The following ANKRD13A variants were observed in gnomAD, a reference collection of about 807,000 sequenced individuals.
The protein encoded by ANKRD13A is ankyrin repeat domain 13A, also known as ankyrin repeat domain-containing protein 13A.
ANKRD13A carries 48 observed loss-of-function variants against 81.3 expected under a neutral mutation model. The ratio of observed to expected loss-of-function variants is 0.59; its 90% confidence interval spans 0.47 to 0.75. The LOEUF is 0.75. ANKRD13A is among the 30% of genes least tolerant of loss of function. The pLI is 0.00. For missense variants in ANKRD13A, 612 were observed against 734.0 expected (o/e 0.83, Z 1.92); for synonymous variants, 230 against 270.1 (o/e 0.85, Z 1.45).
intron 10 of ANKRD13A, 104 bp downstream of exon 10, chr12:110,028,746 A>T: frequency 2.1e-6 from 3 of 1,456,492 alleles, no homozygotes; most frequent in Admixed American, 2.0e-5. Context: ...CACCACCCTT[A>T]TTTTTTTTTC....
At chr12:110,030,616 C>CT (rs1402649917) in intron 11 of ANKRD13A, 29 bp from the exon 12 acceptor site, 18 of 1,374,256 alleles carry the variant, frequency 1.3e-5, no homozygotes, top group Non-Finnish European at 1.7e-5. Context: ...GTAAAGTTTA[C>CT]TTATAAAAGT....
chr12:110,013,899 A>G lies in ANKRD13A; in HGVS notation c.354+650A>G, dbSNP rs573540066. On this transcript the variant is annotated intron_variant, in intron 3 of 14. Coordinates refer to ENST00000261739, the MANE Select transcript of ANKRD13A (RefSeq NM_033121.2). ...TTTAGGTGCCTGTTTTCTTGAAAGT[A>G]GCCTCCTGAGCATCTGTAATCTTAG... Among the ~76,000 whole-genome samples, 4 of 152,142 alleles carry G rather than the reference A, an allele frequency of 2.6e-5. 1 individual carries two copies. In the South Asian group the frequency reaches 8.3e-4, roughly 31 times the overall value.
chr12:110,021,346 TGTGA>T (rs969470905), intron 6 of ANKRD13A: 28 of 211,652 alleles, frequency 1.3e-4, no homozygotes, highest in African/African-American at 6.2e-4. Flanking sequence ...TGATCAGAGG[TGTGA>T]GTATTCATTT....
intron 12 of ANKRD13A, among the ~76,000 whole-genome samples, chr12:110,031,314 C>T (rs1333465219): frequency 6.7e-6 from 1 of 150,326 alleles, no homozygotes; most frequent in African/African-American, 2.4e-5. Context: ...GTGTAATGTA[C>T]ATACAATAAA....
At position 110,037,933 on chromosome 12, in the gene ANKRD13A, G is replaced by A. The variant is rs1892165692; in HGVS notation, c.*379G>A. ...AGACAAGTTATTGCAGAGTCAGGGT[G>A]CTTTTATATATAAGAGCAGCAGCCG... is the stretch of plus-strand genomic sequence containing the variant. On this transcript the variant is annotated 3_prime_UTR_variant, in exon 15 of 15. Transcript: ENST00000261739. The A allele has an allele frequency of 6.1e-6, 1 of 164,870 alleles. No homozygotes were observed. 10.2% of individuals were successfully genotyped at this position (164,870 alleles called of 1,614,324 possible). A position where few individuals can be genotyped will look rare whatever the true frequency, so the allele number is the denominator to read the frequency against.
chr12:110,024,477 A>G (rs1447141876), intron 7 of ANKRD13A, among the ~76,000 whole-genome samples: 1 of 152,108 alleles, frequency 6.6e-6, no homozygotes, highest in Non-Finnish European at 1.5e-5. Context: ...GTAGCTTTTG[A>G]GTCTCTTTTT....
intron 1 of ANKRD13A, among the ~76,000 whole-genome samples, chr12:110,005,403 T>C (rs1247791511): frequency 6.6e-6 from 1 of 152,184 alleles, no homozygotes; most frequent in African/African-American, 2.4e-5. Context: ...AGTGCTAAGA[T>C]TACAGGTGTT....
chr12:110,013,026 C>T lies in ANKRD13A; in HGVS notation c.230-99C>T, dbSNP rs535681084. 16 of 1,355,650 alleles carry T rather than the reference C, an allele frequency of 1.2e-5. No individual in the cohort carries two copies. The African/African-American group carries it at 2.2e-4, about 18-fold the overall frequency. The allele number at this position is 1,355,650 out of a possible 1,614,324, so 84.0% of individuals were successfully genotyped here. ...AAGGTTGGACTGCAGCCCTTTTCTTCTGAAGAAAATACTGGTCTTTGATCT... is the reference window on the plus strand; with the variant it reads ...AAGGTTGGACTGCAGCCCTTTTCTTTTGAAGAAAATACTGGTCTTTGATCT... On this transcript the variant is annotated intron_variant, in intron 2 of 14. Transcript: ENST00000261739.
At chr12:110,016,597 A>G (rs1890816289) in intron 4 of ANKRD13A, among the ~76,000 whole-genome samples, 164 bp downstream of exon 4, 1 of 152,104 alleles carries the variant, frequency 6.6e-6, no homozygotes, top group South Asian at 2.1e-4. Context: ...GTTAAACACA[A>G]CTGTTAATGC....
Position 110,036,261 on chromosome 12 carries a change from G to C in ANKRD13A, c.1510G>C (p.Glu504Gln), listed in dbSNP as rs1373464285. ...QSLLESSRSQ[E>Q]LSGPASNGGI... ...TGTCTATCACATTTGTCTTTGCCAG[G>C]AACTTTCAGGACCAGCTTCGAATGG... The change falls in exon 14 of 15, where the codon GAA becomes CAA. Residue 504 changes from glutamate to glutamine, a missense_variant and splice_region_variant. Physicochemically the swap from Glu to Gln is conservative, Grantham distance 29 (BLOSUM62 2). Transcript: ENST00000261739. This position sits in a 1 kb window ranked among gnomAD's most constrained non-coding sequence, Gnocchi z 4.6. 1.2e-6 allele frequency: 2 copies of C among 1,613,796 alleles called. No individual in the cohort carries two copies. Among genetic ancestry groups the C allele is most frequent in the Non-Finnish European group, 1.7e-6 (2 of 1,179,832 alleles).
intron 10 of ANKRD13A, 38 bp downstream of exon 10, chr12:110,028,680 GT>G: frequency 6.2e-7 from 1 of 1,612,958 alleles, no homozygotes; most frequent in Non-Finnish European, 8.5e-7. Flanking sequence ...ACCTATGTAT[GT>G]TTCAGAAATT....
In ANKRD13A at chr12:110,016,388, G is replaced by A. The variant is rs1231965110; in HGVS notation, c.355G>A (p.Ala119Thr). The change falls in exon 4 of 15, where the codon GCT (alanine) becomes ACT (threonine). Residue 119 changes from alanine (A) to threonine (T), a missense_variant and splice_region_variant. Coordinates refer to ENST00000261739, the MANE Select transcript of ANKRD13A (RefSeq NM_033121.2). ...VPELLQKILEAPDFYVQMKWE... is the reference protein window; with the variant it reads ...VPELLQKILETPDFYVQMKWE... The stretch of plus-strand genomic sequence containing the variant: ...TTTTAAACCTTTGTCTGCCCTTCAG[G>A]CTCCGGATTTCTATGTGCAGATGAA... 1 of 1,584,156 alleles carries A rather than the reference G, an allele frequency of 6.3e-7. No homozygotes were observed. The highest frequency in any genetic ancestry group is 8.6e-7 in the Non-Finnish European group (1 of 1,159,830).
intron 1 of ANKRD13A, among the ~76,000 whole-genome samples, chr12:110,011,222 A>G (rs1264121594): frequency 1.3e-5 from 2 of 152,190 alleles, no homozygotes; most frequent in Non-Finnish European, 2.9e-5. Context: ...GACTTAGCTC[A>G]CACTAGAGAA....
chr12:110,011,629 T>C (rs1459777676), intron 1 of ANKRD13A, among the ~76,000 whole-genome samples: 1 of 152,246 alleles, frequency 6.6e-6, no homozygotes, highest in Non-Finnish European at 1.5e-5. Flanking sequence ...AATGCTGATA[T>C]GTGCTTGAGA....
In ANKRD13A at chr12:110,037,388, C is replaced by T; in HGVS notation, c.1607C>T (p.Thr536Ile). The change falls in exon 15 of 15, where the codon ACA becomes ATA. Residue 536 changes from threonine to isoleucine, a missense_variant. Transcript: ENST00000261739. ...RAIQESLLTS[T>I]EGLCPSALSE... ...ATCCAGGAGAGCCTCCTCACCAGCA[C>T]AGAAGGCCTGTGCCCCAGCGCCCTG... is the stretch of plus-strand genomic sequence containing the variant. The T allele has an allele frequency of 6.2e-7, 1 of 1,614,226 alleles. No individual in the cohort carries two copies. Among genetic ancestry groups the T allele is most frequent in the Non-Finnish European group, 8.5e-7 (1 of 1,180,034 alleles).
At chr12:110,029,281 T>G in intron 10 of ANKRD13A, 197 bp from the exon 11 acceptor site, 1 of 492,498 alleles carries the variant, frequency 2.0e-6, no homozygotes, top group Non-Finnish European at 3.5e-6. Context: ...TGCAGGTCGC[T>G]TGCCTTTATT....
At chr12:110,028,131 A>G (rs2137159369) in intron 9 of ANKRD13A, 1 of 324,242 alleles carries the variant, frequency 3.1e-6, no homozygotes, top group Non-Finnish European at 5.7e-6. Context: ...AACTTGGTAC[A>G]GTGGATGTCC....
chr12:110,024,655 T>G (rs1350196838), intron 7 of ANKRD13A, among the ~76,000 whole-genome samples: 3 of 152,026 alleles, frequency 2.0e-5, no homozygotes, highest in Non-Finnish European at 4.4e-5. Flanking sequence ...ACAACAGGGA[T>G]TGATGGCTTT....
intron 1 of ANKRD13A, among the ~76,000 whole-genome samples, chr12:110,003,091 T>A (rs1819171438): frequency 6.6e-6 from 1 of 152,226 alleles, no homozygotes; most frequent in African/African-American, 2.4e-5. Context: ...TAAAGAAGTC[T>A]GTTAAACTTC....
Sources: gnomAD v4.1 joint callset for allele counts (sites outside exome capture counted in the v4.1 genomes callset) on GRCh38, gnomAD v4.1.1 for gene constraint, Gnocchi (gnomAD v3.1) non-coding constraint, MANE v1.5 for transcripts, NCBI Gene and HGNC (gene_info 2026-07-23, HGNC 2026-07-21) for gene names.